Variants in FKBP1B observed in about 807,000 individuals in gnomAD.
FKBP1B encodes the protein FKBP prolyl isomerase 1B.
Under a neutral mutation model 13.5 loss-of-function variants are expected in FKBP1B, and 4 were observed. The observed-to-expected ratio is 0.30, with a 90% confidence interval of 0.15 to 0.68. The LOEUF is 0.68. FKBP1B is among the 30% of genes least tolerant of loss of function. FKBP1B has a pLI of 0.76. For synonymous variants in FKBP1B, 54 were observed against 53.6 expected (o/e 1.01, Z -0.03); for missense variants, 93 against 136.2 (o/e 0.68, Z 1.58).
intron 2 of FKBP1B, 58 bp from the exon 3 acceptor site, chr2:24,060,756 T>C: frequency 7.2e-6 from 9 of 1,255,188 alleles, no homozygotes; most frequent in Non-Finnish European, 1.0e-5. Context: ...ATGTGGAATC[T>C]GAATTGGGAG....
Position 24,060,914 on chromosome 2 carries a change from G to A in FKBP1B, c.186G>A (p.Glu62=), listed in dbSNP as rs1219860703. ...AGGAAGTCATCAAAGGTTTTGAAGA[G>A]GGTGCAGCCCAGGTAGGATGAGGAT... The part of the protein sequence containing the change: ...GKQEVIKGFE[E]GAAQMSLGQR... The change falls in exon 3 of 4, where the codon GAG becomes GAA. Residue 62 remains glutamate, a synonymous_variant. Coordinates refer to ENST00000380986, the MANE Select transcript of FKBP1B (RefSeq NM_004116.5). 1 of 1,613,666 alleles carries A rather than the reference G, an allele frequency of 6.2e-7. No homozygotes were observed. Among genetic ancestry groups the A allele is most frequent in the South Asian group, 1.1e-5 (1 of 91,070 alleles).
chr2:24,061,993 C>T (rs902397609), intron 3 of FKBP1B, among the ~76,000 whole-genome samples: 2 of 152,112 alleles, frequency 1.3e-5, no homozygotes, highest in African/African-American at 2.4e-5. Context: ...CCTCAGCCTC[C>T]CTAGTAGCTG....
chr2:24,039,676 C>A, the FKBP1B span, among the ~76,000 whole-genome samples: 5 of 152,096 alleles, frequency 3.3e-5, no homozygotes, highest in African/African-American at 1.2e-4. Flanking sequence ...AGCTATCAGG[C>A]AAATGCAATG....
chr2:24,052,764 C>T (rs996895938), intron 1 of FKBP1B, among the ~76,000 whole-genome samples: 1 of 152,032 alleles, frequency 6.6e-6, no homozygotes, highest in Admixed American at 6.6e-5. Context: ...CTCAGGAGTT[C>T]AAGGCCAACC....
At chr2:24,044,310 C>G in the FKBP1B span, among the ~76,000 whole-genome samples, 2 of 151,996 alleles carry the variant, frequency 1.3e-5, no homozygotes, top group African/African-American at 4.8e-5. Flanking sequence ...TGCTCCGTTA[C>G]CCAGGCTGGA....
intron 2 of FKBP1B, 55 bp downstream of exon 2, chr2:24,054,004 G>C (rs1664003578): frequency 6.5e-7 from 1 of 1,546,366 alleles, no homozygotes; most frequent in Admixed American, 1.7e-5. Flanking sequence ...AGGCAGGGCT[G>C]TCCTCTGAGC....
Position 24,063,342 on chromosome 2 carries a change from G to C in FKBP1B, c.*150G>C. The C allele has an allele frequency of 1.3e-6, 1 of 741,642 alleles. No homozygotes were observed. The highest frequency in any genetic ancestry group is 2.0e-6 in the Non-Finnish European group (1 of 488,302). The allele number at this position is 741,642 out of a possible 1,614,324, so 45.9% of individuals were successfully genotyped here. On this transcript the variant is annotated 3_prime_UTR_variant, in exon 4 of 4. Coordinates refer to ENST00000380986, the MANE Select transcript of FKBP1B (RefSeq NM_004116.5). ...ATCATCCATTCTCTCTGCCCAAGTT[G>C]CTCTGTATGTGTTCGTCAGTGTTCA...
At chr2:24,037,723 A>G in the FKBP1B span, 4 of 1,614,110 alleles carry the variant, frequency 2.5e-6, no homozygotes, top group Non-Finnish European at 1.7e-6. Flanking sequence ...GAGTGGATAC[A>G]CTGAAGAGGA....
intron 1 of FKBP1B, among the ~76,000 whole-genome samples, chr2:24,052,438 T>A (rs947743947): frequency 6.6e-6 from 1 of 152,140 alleles, no homozygotes; most frequent in Non-Finnish European, 1.5e-5. Context: ...GCAAATGTGT[T>A]GATTCTGTGC....
chr2:24,037,886 G>A, the FKBP1B span: 12 of 1,614,078 alleles, frequency 7.4e-6, no homozygotes, highest in Non-Finnish European at 9.3e-6. Flanking sequence ...GGAGGCTCCA[G>A]TGTGCTGGTG....
chr2:24,054,067 G>A (rs1282794496), intron 2 of FKBP1B, 118 bp downstream of exon 2: 17 of 978,350 alleles, frequency 1.7e-5, no homozygotes, highest in Non-Finnish European at 2.6e-5. Flanking sequence ...AAGGCAGCAG[G>A]GTCTCCCTGT....
chr2:24,036,552 T>C, the FKBP1B span, among the ~76,000 whole-genome samples: 1 of 152,208 alleles, frequency 6.6e-6, no homozygotes, highest in African/African-American at 2.4e-5. Context: ...GAAACACATA[T>C]ACTCTTCAAA....
chr2:24,053,528 T>C (rs1174599374), intron 1 of FKBP1B, among the ~76,000 whole-genome samples: 2 of 151,982 alleles, frequency 1.3e-5, no homozygotes, highest in Non-Finnish European at 2.9e-5. Flanking sequence ...TTCCCTACCT[T>C]CCTCATGAGT....
At chr2:24,039,472 A>G in the FKBP1B span, 8 of 1,611,872 alleles carry the variant, frequency 5.0e-6, no homozygotes, top group Non-Finnish European at 6.8e-6. Flanking sequence ...AGTCCTGAGT[A>G]GTTTTCCTTT....
the FKBP1B span, chr2:24,038,909 A>G: frequency 6.2e-7 from 1 of 1,614,212 alleles, no homozygotes. Flanking sequence ...ACCAGGCAGG[A>G]GGAGCACCTG....
chr2:24,039,673 A>C, the FKBP1B span, among the ~76,000 whole-genome samples: 1 of 152,260 alleles, frequency 6.6e-6, no homozygotes, highest in Admixed American at 6.5e-5. Context: ...CTGAGCTATC[A>C]GGCAAATGCA....
chr2:24,045,144 G>A (rs1663571633), upstream of FKBP1B, among the ~76,000 whole-genome samples: 1 of 152,212 alleles, frequency 6.6e-6, no homozygotes, highest in South Asian at 2.1e-4. Context: ...TATTTCAGTA[G>A]AGAAAGAAGG....
At chr2:24,036,857 G>A in the FKBP1B span, among the ~76,000 whole-genome samples, 42 of 152,332 alleles carry the variant, frequency 2.8e-4, no homozygotes, top group African/African-American at 9.6e-4. Flanking sequence ...GTCACGAAAG[G>A]ATCCATGTTA....
At chr2:24,042,495 C>A in the FKBP1B span, among the ~76,000 whole-genome samples, 25,336 of 145,490 alleles carry the variant, frequency 0.17, 3,116 homozygotes, top group African/African-American at 0.35. Context: ...GAGATCGCAC[C>A]ACTGCACTCC....
Sources: allele counts gnomAD v4.1 joint callset (sites outside exome capture counted in the v4.1 genomes callset), GRCh38; gene constraint gnomAD v4.1.1; transcripts MANE v1.5; gene names NCBI Gene and HGNC (gene_info 2026-07-23, HGNC 2026-07-21).